CERT1: variants seen among roughly 807,000 people sequenced by gnomAD.
The protein encoded by CERT1 is ceramide transfer protein.
A neutral mutation model predicts 87.9 loss-of-function variants in CERT1; 31 were observed. That is an observed-to-expected ratio of 0.35 (90% CI 0.27 to 0.48). CERT1 has a LOEUF of 0.48. Ranked by LOEUF, CERT1 falls within the 20% of genes least tolerant of loss-of-function variation. CERT1 has a pLI of 0.99. For synonymous variants in CERT1, 289 were observed against 250.9 expected, an observed-to-expected ratio of 1.15 and a Z score of -1.44; for missense variants, 487 against 758.0, an observed-to-expected ratio of 0.64 and a Z score of 4.20.
At chr5:75,439,956 C>T (rs914760109) in intron 3 of CERT1, among the ~76,000 whole-genome samples, 2 of 152,026 alleles carry the variant, frequency 1.3e-5, no homozygotes. Flanking sequence ...AAAAACCCCA[C>T]AAGAACATGA....
intron 3 of CERT1, among the ~76,000 whole-genome samples, chr5:75,437,580 A>G (rs1053656280): frequency 6.6e-6 from 1 of 152,092 alleles, no homozygotes; most frequent in Non-Finnish European, 1.5e-5. Flanking sequence ...AGCCTGGCCA[A>G]TATGGCAAAA....
At chr5:75,508,744 T>G (rs1767776420) in intron 1 of CERT1, among the ~76,000 whole-genome samples, 1 of 152,062 alleles carries the variant, frequency 6.6e-6, no homozygotes, top group African/African-American at 2.4e-5. Context: ...GGAATTCAAG[T>G]GAAGGAGGTC....
intron 2 of CERT1, among the ~76,000 whole-genome samples, chr5:75,485,970 A>G (rs1766505202): frequency 1.3e-5 from 2 of 152,086 alleles, no homozygotes; most frequent in African/African-American, 4.8e-5. Flanking sequence ...TATTCCGAAA[A>G]ACAGAGCAGG....
At chr5:75,421,204 C>G (rs374345253) in intron 5 of CERT1, among the ~76,000 whole-genome samples, 1 of 152,170 alleles carries the variant, frequency 6.6e-6, no homozygotes, top group African/African-American at 2.4e-5. Context: ...CTTTTTACAT[C>G]AGGAGCACCG....
intron 3 of CERT1, among the ~76,000 whole-genome samples, chr5:75,435,326 C>CCTTG (rs1001046755): frequency 6.6e-6 from 1 of 152,180 alleles, no homozygotes; most frequent in Admixed American, 6.5e-5. Flanking sequence ...ATCTTTCAAC[C>CCTTG]CTTGGACTGT....
At chr5:75,372,360 T>C (rs372965303) in intron 17 of CERT1, 2 of 150,092 alleles carry the variant, frequency 1.3e-5, no homozygotes, top group African/African-American at 2.5e-5. Context: ...CCACAGCTGA[T>C]TGTAAAATAA....
chr5:75,411,894 CCTT>C (rs774872394), intron 7 of CERT1, among the ~76,000 whole-genome samples: 17 of 152,050 alleles, frequency 1.1e-4, no homozygotes, highest in African/African-American at 3.4e-4. Flanking sequence ...AGAAAGAAAA[CCTT>C]CTTATACTTT....
chr5:75,433,507 G>A (rs1185983077), intron 3 of CERT1, among the ~76,000 whole-genome samples: 1 of 152,080 alleles, frequency 6.6e-6, no homozygotes, highest in African/African-American at 2.4e-5. Flanking sequence ...GATGTTATTG[G>A]TGTATAGAAA....
Position 75,388,599 on chromosome 5 carries a change from CATATATATATATAT to C in CERT1, c.1284+979_1284+992del, listed in dbSNP as rs59799780. Among the ~76,000 whole-genome samples, 236 of 91,858 alleles carry C rather than the reference CATATATATATATAT, an allele frequency of 2.6e-3. 2 individuals carry two copies. Among genetic ancestry groups the C allele is most frequent in the Middle Eastern group, 7.0e-3 (1 of 142 alleles). 60.3% of individuals were successfully genotyped at this position (91,858 alleles called of 152,430 possible). Reference sequence around the variant, plus strand: ...GATGGAGCCAAGTATAGCATGCATGCATATATATATATATATATATATATATATATATATATATA... The same window carrying C: ...GATGGAGCCAAGTATAGCATGCATGCATATATATATATATATATATATATA... On this transcript the variant is annotated intron_variant, in intron 12 of 16. Transcript: ENST00000643780.
chr5:75,461,693 A>G (rs916537808), intron 2 of CERT1, among the ~76,000 whole-genome samples: 1 of 152,184 alleles, frequency 6.6e-6, no homozygotes, highest in Non-Finnish European at 1.5e-5. Context: ...ACACCTTCTT[A>G]TGCAGACAAG....
chr5:75,504,859 A>G (rs981465194), intron 2 of CERT1, among the ~76,000 whole-genome samples: 1 of 152,046 alleles, frequency 6.6e-6, no homozygotes, highest in African/African-American at 2.4e-5. Flanking sequence ...TACATGCTTA[A>G]CAAGTCAGTT....
At chr5:75,458,491 A>C (rs1765092904) in intron 3 of CERT1, among the ~76,000 whole-genome samples, 1 of 152,224 alleles carries the variant, frequency 6.6e-6, no homozygotes. Flanking sequence ...ACCTAAATAA[A>C]AAATCGAAAT....
chr5:75,430,941 C>T (rs767619415), intron 3 of CERT1, among the ~76,000 whole-genome samples: 2 of 152,004 alleles, frequency 1.3e-5, no homozygotes, highest in African/African-American at 4.8e-5. Context: ...CTTGGAAGGC[C>T]GAGGCAGGAG....
chr5:75,504,509 A>G (rs772102858), intron 2 of CERT1, among the ~76,000 whole-genome samples: 15 of 152,236 alleles, frequency 9.9e-5, no homozygotes, highest in Non-Finnish European at 1.8e-4. Flanking sequence ...AAAATACTGT[A>G]AGATTTTCCC....
At position 75,384,649 on chromosome 5, in the gene CERT1, G is replaced by A; in HGVS notation, c.1481C>T (p.Thr494Ile). 1.2e-6 allele frequency: 2 copies of A among 1,600,572 alleles called. No homozygotes were observed. Among genetic ancestry groups the A allele is most frequent in the Non-Finnish European group, 1.7e-6 (2 of 1,168,308 alleles). ...LADNAIIIYQTHKRVWPASQR... is the reference protein window; with the variant it reads ...LADNAIIIYQIHKRVWPASQR... ...GAATGAAGAGATCTTTACCTTGTGT[G>A]TTTGATAAATGATGATTGCATTATC... is the stretch of plus-strand genomic sequence containing the variant. Residue 494 changes from threonine to isoleucine, a missense_variant, in exon 14 of 17, where the codon ACA becomes ATA. Physicochemically the swap from Thr to Ile is moderately conservative, Grantham distance 89. Transcript: ENST00000643780.
At chr5:75,500,938 T>C (rs748503866) in intron 2 of CERT1, among the ~76,000 whole-genome samples, 7 of 152,172 alleles carry the variant, frequency 4.6e-5, no homozygotes, top group Non-Finnish European at 8.8e-5. Context: ...TGTGGTTCTC[T>C]TCAATTTTGA....
At chr5:75,426,843 T>C (rs1763638662) in intron 3 of CERT1, among the ~76,000 whole-genome samples, 1 of 152,210 alleles carries the variant, frequency 6.6e-6, no homozygotes, top group Non-Finnish European at 1.5e-5. Flanking sequence ...ATAAAAAAGC[T>C]CTGAAGATGG....
At chr5:75,480,338 C>T (rs1003222161) in intron 2 of CERT1, among the ~76,000 whole-genome samples, 1 of 152,136 alleles carries the variant, frequency 6.6e-6, no homozygotes, top group African/African-American at 2.4e-5. Flanking sequence ...TCTTCCTTCC[C>T]TCATGAAAGT....
chr5:75,487,085 C>T (rs1207269442), intron 2 of CERT1, among the ~76,000 whole-genome samples: 1 of 152,122 alleles, frequency 6.6e-6, no homozygotes, highest in Non-Finnish European at 1.5e-5. Context: ...TCAAATTATA[C>T]TACAGAGCTA....
Sources: allele counts gnomAD v4.1 joint callset (sites outside exome capture counted in the v4.1 genomes callset), GRCh38; gene constraint gnomAD v4.1.1; transcripts MANE v1.5; gene names NCBI Gene and HGNC (gene_info 2026-07-23, HGNC 2026-07-21).